PTPRT: variants seen among roughly 807,000 people sequenced by gnomAD.
PTPRT encodes protein tyrosine phosphatase receptor type T.
PTPRT carries 56 observed loss-of-function variants against 176.8 expected under a neutral mutation model. That is an observed-to-expected ratio of 0.32 (90% confidence interval 0.26 to 0.40). PTPRT has a LOEUF of 0.40. Among genes scored for constraint, PTPRT ranks in the 10% least tolerant of loss-of-function variants. The probability of loss-of-function intolerance (pLI) is 1.00; values close to 1 mark genes in which losing one functional copy is unlikely to be tolerated. For missense variants in PTPRT, 1,540 were observed against 1,908.2 expected (o/e 0.81, Z 3.60); for synonymous variants, 783 against 739.0 (o/e 1.06, Z -0.96).
intron 1 of PTPRT, among the ~76,000 whole-genome samples, chr20:43,115,764 C>G (rs1328247224): frequency 6.6e-6 from 1 of 152,038 alleles, no homozygotes; most frequent in East Asian, 1.9e-4. Flanking sequence ...GTCCAGACAC[C>G]CCGTCCAGGG....
chr20:42,128,904 C>T, intron 18 of PTPRT, 74 bp from the exon 19 acceptor site: 1 of 1,280,022 alleles, frequency 7.8e-7, no homozygotes, highest in South Asian at 1.5e-5. Context: ...TTTAGAACTA[C>T]TGTTTATTAA....
chr20:42,232,280 C>T (rs1029914547), intron 15 of PTPRT, among the ~76,000 whole-genome samples: 2 of 152,214 alleles, frequency 1.3e-5, no homozygotes, highest in Admixed American at 6.5e-5. Context: ...GACCAGGTGG[C>T]CCCTGATACC....
At chr20:42,848,650 T>C (rs2078418120) in intron 2 of PTPRT, among the ~76,000 whole-genome samples, 1 of 152,218 alleles carries the variant, frequency 6.6e-6, no homozygotes, top group African/African-American at 2.4e-5. Flanking sequence ...TTCATGTTCT[T>C]AGCCCACTTT....
In PTPRT at chr20:42,079,996, T is replaced by C. The variant is rs1983157924; in HGVS notation, c.*883A>G. On this transcript the variant is annotated 3_prime_UTR_variant, in exon 31 of 31. Coordinates refer to ENST00000373187, the MANE Select transcript of PTPRT (RefSeq NM_007050.6). ...AGAAAGTTTCTTTTCACATACACTT[T>C]GGAAAATAATCAAATCTTATCTTGT... The C allele has an allele frequency of 4.3e-6, 1 of 232,540 alleles. No homozygotes were observed. Among genetic ancestry groups the C allele is most frequent in the Non-Finnish European group, 8.5e-6 (1 of 117,574 alleles). 14.4% of individuals were successfully genotyped at this position (232,540 alleles called of 1,614,324 possible). A position where few individuals can be genotyped will look rare whatever the true frequency, so the allele number is the denominator to read the frequency against.
intron 7 of PTPRT, among the ~76,000 whole-genome samples, chr20:42,674,203 A>G (rs4812614): frequency 0.79 from 120,963 of 152,160 alleles, 48,659 homozygotes; most frequent in African/African-American, 0.94. Context: ...GTGGCGATGC[A>G]GGAAGGAAGA....
chr20:42,146,360 G>T (rs1048768516), intron 17 of PTPRT, among the ~76,000 whole-genome samples: 1 of 152,162 alleles, frequency 6.6e-6, no homozygotes, highest in African/African-American at 2.4e-5. Context: ...CCAAAAGCAG[G>T]ATAGCATGAC....
At chr20:42,722,172 T>C (rs941632195) in intron 6 of PTPRT, among the ~76,000 whole-genome samples, 1 of 152,152 alleles carries the variant, frequency 6.6e-6, no homozygotes, top group African/African-American at 2.4e-5. Context: ...AGTCACCTGA[T>C]GAACTTGTTA....
intron 13 of PTPRT, among the ~76,000 whole-genome samples, chr20:42,269,870 A>T (rs2056901026): frequency 6.6e-6 from 1 of 152,186 alleles, no homozygotes; most frequent in Non-Finnish European, 1.5e-5. Flanking sequence ...GATCATAGTG[A>T]GAGCTTCTCA....
chr20:42,353,769 C>G (rs1366425854), intron 9 of PTPRT, among the ~76,000 whole-genome samples: 3 of 152,204 alleles, frequency 2.0e-5, no homozygotes, highest in Non-Finnish European at 4.4e-5. Flanking sequence ...TTTAATTAGG[C>G]TAGGTGTGGT....
chr20:42,966,391 CT>C (rs1982294524), intron 1 of PTPRT: 1 of 152,162 alleles, frequency 6.6e-6, no homozygotes, highest in East Asian at 1.9e-4. Context: ...AGAAATCCCT[CT>C]TTCCTCTGTG....
intron 1 of PTPRT, among the ~76,000 whole-genome samples, chr20:43,042,708 C>CCCCCCCCCCCGCCATCTCT (rs1986661218): frequency 9.3e-6 from 1 of 106,978 alleles, no homozygotes; most frequent in African/African-American, 4.9e-5. Context: ...CTTCCACCCA[C>CCCCCCCCCCCGCCATCTCT]CCTCCCACCC....
At chr20:42,702,784 G>A (rs2075993566) in intron 6 of PTPRT, among the ~76,000 whole-genome samples, 1 of 152,200 alleles carries the variant, frequency 6.6e-6, no homozygotes, top group South Asian at 2.1e-4. Flanking sequence ...GAAAGTCAGT[G>A]GCAGAGCTAG....
intron 7 of PTPRT, among the ~76,000 whole-genome samples, chr20:42,549,476 A>G (rs1461369736): frequency 6.6e-6 from 1 of 152,118 alleles, no homozygotes; most frequent in African/African-American, 2.4e-5. Flanking sequence ...AGGAGATAAG[A>G]GGGTTACTCA....
chr20:42,944,235 G>A (rs1980744463), intron 1 of PTPRT, among the ~76,000 whole-genome samples: 1 of 152,052 alleles, frequency 6.6e-6, no homozygotes, highest in Admixed American at 6.5e-5. Flanking sequence ...GAGCCGGGGG[G>A]CGGAAAGTGC....
rs1009924158 is a variant in PTPRT, at chr20:42,272,333, G to C, written c.2176+10156C>G. Reference sequence around the variant, plus strand: ...TGACAGAGACCATAAGGCCTGCAAAGCTGAAAATATTTACTATCTGTCCTT... The same window carrying C: ...TGACAGAGACCATAAGGCCTGCAAACCTGAAAATATTTACTATCTGTCCTT... On this transcript the variant is annotated intron_variant, in intron 13 of 30. Coordinates refer to ENST00000373187, the MANE Select transcript of PTPRT (RefSeq NM_007050.6). 7.1e-4 allele frequency among the ~76,000 whole-genome samples: 108 copies of C among 152,194 alleles called. 1 individual carries two copies. Among genetic ancestry groups the C allele is most frequent in the African/African-American group, 2.4e-3 (98 of 41,538 alleles).
At chr20:43,043,340 G>C (rs922045366) in intron 1 of PTPRT, among the ~76,000 whole-genome samples, 2 of 151,426 alleles carry the variant, frequency 1.3e-5, no homozygotes, top group Non-Finnish European at 2.9e-5. Flanking sequence ...TCCATATCCT[G>C]AGAAAAAAAG....
intron 1 of PTPRT, among the ~76,000 whole-genome samples, chr20:43,049,489 A>G (rs1986968069): frequency 6.6e-6 from 1 of 152,192 alleles, no homozygotes; most frequent in African/African-American, 2.4e-5. Context: ...AAACAAGAGG[A>G]AAAAAAGTAT....
At chr20:42,457,883 T>C (rs1160800806) in intron 8 of PTPRT, among the ~76,000 whole-genome samples, 2 of 152,164 alleles carry the variant, frequency 1.3e-5, no homozygotes, top group Non-Finnish European at 1.5e-5. Flanking sequence ...GCCCTGGACG[T>C]AGGCTTGGAG....
chr20:42,247,103 C>T (rs180708321), intron 14 of PTPRT, among the ~76,000 whole-genome samples: 1 of 152,182 alleles, frequency 6.6e-6, no homozygotes, highest in Non-Finnish European at 1.5e-5. Flanking sequence ...TAACATAATA[C>T]CTTCTGTTAC....
Sources: allele counts gnomAD v4.1 joint callset (sites outside exome capture counted in the v4.1 genomes callset), GRCh38; gene constraint gnomAD v4.1.1; transcripts MANE v1.5; gene names NCBI Gene and HGNC (gene_info 2026-07-23, HGNC 2026-07-21).